Variants in ATXN1 observed in about 807,000 individuals in gnomAD.
ATXN1 encodes ataxin-1.
ATXN1 carries 8 observed loss-of-function variants against 56.4 expected under a neutral mutation model. That is an observed-to-expected ratio of 0.14 (90% CI 0.08 to 0.26). The LOEUF (loss-of-function observed/expected upper bound fraction) is 0.26, where lower values mean the gene tolerates loss of function less well. ATXN1 is among the 10% of genes least tolerant of loss of function. The pLI is 1.00. For synonymous variants in ATXN1, 514 were observed against 494.6 expected (o/e 1.04, Z -0.52); for missense variants, 987 against 1,106.5 (o/e 0.89, Z 1.53).
intron 6 of ATXN1, among the ~76,000 whole-genome samples, chr6:16,408,858 A>C (rs564056787): frequency 1.3e-5 from 2 of 152,348 alleles, no homozygotes; most frequent in Admixed American, 1.3e-4. Flanking sequence ...CTCCTGTCTC[A>C]GTCTGCTGAG....
chr6:16,544,668 G>C (rs897675384), intron 4 of ATXN1, among the ~76,000 whole-genome samples: 2 of 152,170 alleles, frequency 1.3e-5, no homozygotes, highest in Non-Finnish European at 2.9e-5. Context: ...ATGAGAGCTG[G>C]AGTGAGCCAC....
At chr6:16,673,159 C>T (rs1053702561) in intron 2 of ATXN1, among the ~76,000 whole-genome samples, 1 of 142,776 alleles carries the variant, frequency 7.0e-6, no homozygotes, top group East Asian at 2.0e-4. Flanking sequence ...GATTTCTGAC[C>T]TGCAGAACTG....
At chr6:16,722,497 T>TC (rs894731703) in intron 2 of ATXN1, among the ~76,000 whole-genome samples, 1 of 151,938 alleles carries the variant, frequency 6.6e-6, no homozygotes, top group African/African-American at 2.4e-5. Context: ...AAAAAGTATC[T>TC]CCCCCCACCT....
chr6:16,687,657 TACACACACACACACACACAC>T lies in ATXN1; in HGVS notation c.-614-29776_-614-29757del, dbSNP rs57034032. Among the ~76,000 whole-genome samples the T allele has an allele frequency of 7.7e-5, 11 of 143,394 alleles. No individual in the cohort carries two copies. The East Asian group carries it at 2.3e-3, about 30-fold the overall frequency. 94.1% of individuals were successfully genotyped at this position (143,394 alleles called of 152,430 possible). A position where few individuals can be genotyped will look rare whatever the true frequency, so the allele number is the denominator to read the frequency against. On this transcript the variant is annotated intron_variant, in intron 2 of 7. Coordinates refer to ENST00000436367, the MANE Select transcript of ATXN1 (RefSeq NM_001128164.2). ...AAGCAGCCTGGAATCAAAGAAGAAATACACACACACACACACACACACACACACACACACACACGGAGGAT... is the reference window on the plus strand; with the variant it reads ...AAGCAGCCTGGAATCAAAGAAGAAATACACACACACACACACACGGAGGAT...
At chr6:16,555,787 GACC>G (rs1299633032) in intron 4 of ATXN1, among the ~76,000 whole-genome samples, 1 of 152,174 alleles carries the variant, frequency 6.6e-6, no homozygotes, top group Non-Finnish European at 1.5e-5. Context: ...TTTTGTTTAT[GACC>G]ACAACACACT....
intron 6 of ATXN1, among the ~76,000 whole-genome samples, chr6:16,385,431 G>T (rs535212093): frequency 6.6e-6 from 1 of 152,296 alleles, no homozygotes; most frequent in South Asian, 2.1e-4. Flanking sequence ...AGTAAGCATG[G>T]AGAAGAGGAG....
At chr6:16,367,986 G>A (rs1478152151) in intron 6 of ATXN1, among the ~76,000 whole-genome samples, 3 of 151,966 alleles carry the variant, frequency 2.0e-5, no homozygotes, top group Non-Finnish European at 4.4e-5. Flanking sequence ...TGGCCAACAT[G>A]TGAAACCCTG....
In ATXN1 at chr6:16,407,067, G is replaced by A. The variant is rs1315568513; in HGVS notation, c.-160-78597C>T. 4.6e-5 allele frequency among the ~76,000 whole-genome samples: 7 copies of A among 152,298 alleles called. No individual in the cohort carries two copies. The East Asian group carries it at 1.4e-3, about 29-fold the overall frequency. On this transcript the variant is annotated intron_variant, in intron 6 of 7. Transcript: ENST00000436367. ...CAAGCATTTCTAACACTTAAGATGT[G>A]TACTATGGAATCAGATTTGTAAAAG...
chr6:16,548,611 A>T (rs982976889), intron 4 of ATXN1, among the ~76,000 whole-genome samples: 1 of 152,068 alleles, frequency 6.6e-6, no homozygotes, highest in Non-Finnish European at 1.5e-5. Context: ...TTTTTAAAAA[A>T]TTTTAAACTT....
At chr6:16,482,839 A>T (rs1296756806) in intron 6 of ATXN1, among the ~76,000 whole-genome samples, 1 of 152,204 alleles carries the variant, frequency 6.6e-6, no homozygotes, top group Non-Finnish European at 1.5e-5. Context: ...TTTTAAAAAC[A>T]GTTGTAAATG....
chr6:16,359,020 C>A (rs1294226774), intron 6 of ATXN1, among the ~76,000 whole-genome samples: 1 of 152,254 alleles, frequency 6.6e-6, no homozygotes. Flanking sequence ...CTGCAGCCTG[C>A]ACCCTTGGGC....
intron 6 of ATXN1, among the ~76,000 whole-genome samples, chr6:16,471,474 G>C (rs1433404883): frequency 6.6e-6 from 1 of 152,194 alleles, no homozygotes. Context: ...TGATGTAATA[G>C]ATAAGGCAGA....
chr6:16,569,789 A>G (rs1762299681), intron 4 of ATXN1, among the ~76,000 whole-genome samples: 1 of 152,168 alleles, frequency 6.6e-6, no homozygotes, highest in Non-Finnish European at 1.5e-5. Context: ...CCACATGACT[A>G]AATTCTGGTC....
intron 7 of ATXN1, among the ~76,000 whole-genome samples, chr6:16,318,864 C>T (rs965693086): frequency 2.0e-5 from 3 of 152,184 alleles, no homozygotes; most frequent in Non-Finnish European, 2.9e-5. Context: ...AGCTGTGACA[C>T]GGAAGCCCTT....
chr6:16,527,390 G>A (rs1761415980), intron 4 of ATXN1, among the ~76,000 whole-genome samples: 1 of 152,168 alleles, frequency 6.6e-6, no homozygotes, highest in African/African-American at 2.4e-5. Flanking sequence ...GGCAGGAGAT[G>A]GGGCTGGCAG....
At chr6:16,490,342 C>G (rs576016347) in intron 5 of ATXN1, among the ~76,000 whole-genome samples, 1 of 152,304 alleles carries the variant, frequency 6.6e-6, no homozygotes, top group African/African-American at 2.4e-5. Context: ...TCCAAGCATA[C>G]TCAGTCACTG....
chr6:16,741,874 C>G lies in ATXN1; in HGVS notation c.-615+11359G>C, dbSNP rs1248813541. On this transcript the variant is annotated intron_variant, in intron 2 of 7. Coordinates refer to ENST00000436367, the MANE Select transcript of ATXN1 (RefSeq NM_001128164.2). ...CTTCCTCCTTTTATATCTGTTTACA[C>G]AGATTGTTAAAATAGTACGGTTCAT... Among the ~76,000 whole-genome samples the G allele has an allele frequency of 2.0e-5, 3 of 152,160 alleles. No homozygotes were observed. In the East Asian group the frequency reaches 5.8e-4, roughly 29 times the overall value.
chr6:16,430,678 T>C (rs1462577510), intron 6 of ATXN1, among the ~76,000 whole-genome samples: 2 of 152,056 alleles, frequency 1.3e-5, no homozygotes, highest in Admixed American at 6.5e-5. Flanking sequence ...TCTATGGCGA[T>C]GATAGGGGTG....
At chr6:16,465,941 C>A (rs1168201957) in intron 6 of ATXN1, among the ~76,000 whole-genome samples, 1 of 152,084 alleles carries the variant, frequency 6.6e-6, no homozygotes, top group Non-Finnish European at 1.5e-5. Context: ...TACAAGGATT[C>A]TAAGGGAATG....
Sources: allele counts gnomAD v4.1 joint callset (sites outside exome capture counted in the v4.1 genomes callset), GRCh38; gene constraint gnomAD v4.1.1; transcripts MANE v1.5; gene names NCBI Gene and HGNC (gene_info 2026-07-23, HGNC 2026-07-21).